Variants in LLGL1 observed in about 807,000 individuals in gnomAD.
LLGL1 encodes the protein LLGL scribble cell polarity complex component 1.
A neutral mutation model predicts 110.6 loss-of-function variants in LLGL1; 58 were observed. That is an observed-to-expected ratio of 0.52 (90% confidence interval 0.42 to 0.65). The LOEUF (loss-of-function observed/expected upper bound fraction) is 0.65. Among genes scored for constraint, LLGL1 ranks in the 30% least tolerant of loss-of-function variants. LLGL1 has a pLI of 0.00. For synonymous variants in LLGL1, 674 were observed against 607.2 expected (o/e 1.11, Z -1.62); for missense variants, 1,229 against 1,462.1 (o/e 0.84, Z 2.60).
chr17:18,229,851 C>T (rs962121321), intron 1 of LLGL1, 90 bp from the exon 2 acceptor site: 4 of 832,020 alleles, frequency 4.8e-6, no homozygotes, highest in African/African-American at 3.4e-5. Context: ...AGCTGCAGAC[C>T]CTGGAGGCTG....
At chr17:18,243,345 G>A (rs2047895499) in intron 22 of LLGL1, among the ~76,000 whole-genome samples, 1 of 152,148 alleles carries the variant, frequency 6.6e-6, no homozygotes, top group Non-Finnish European at 1.5e-5. Context: ...CTGACCTCAT[G>A]ATCCACCCGC....
intron 11 of LLGL1, chr17:18,235,775 G>C: frequency 1.9e-6 from 1 of 533,306 alleles, no homozygotes; most frequent in Middle Eastern, 5.0e-4. Context: ...GGCTCCACCC[G>C]CCCAGCCTGC....
intron 16 of LLGL1, 142 bp downstream of exon 16, chr17:18,238,751 G>T (rs2047754566): frequency 2.4e-6 from 2 of 830,758 alleles, no homozygotes; most frequent in African/African-American, 1.7e-5. Flanking sequence ...TCAAGCCTGT[G>T]AGTGATCCCA....
At position 18,235,819 on chromosome 17, in the gene LLGL1, C is replaced by T. The variant is rs78420054; in HGVS notation, c.1352+282C>T. The T allele has an allele frequency of 4.6e-3, 2,193 of 475,684 alleles. 15 individuals are homozygous for T. Among genetic ancestry groups the T allele is most frequent in the African/African-American group, 0.02 (1,012 of 51,146 alleles). 29.5% of individuals were successfully genotyped at this position (475,684 alleles called of 1,614,324 possible). On this transcript the variant is annotated intron_variant, in intron 11 of 22. Coordinates refer to ENST00000316843, the MANE Select transcript of LLGL1 (RefSeq NM_004140.4). ...GGACTGGAAAATCTGGGCTGGCCCA[C>T]GCTGAGCTGCCCAGGGAAGGTGCCA...
In LLGL1 at chr17:18,244,487, C is replaced by A. The variant is rs1375795527; in HGVS notation, c.*581C>A. The A allele has an allele frequency of 6.6e-6, 1 of 152,020 alleles. No individual in the cohort carries two copies. Among genetic ancestry groups the A allele is most frequent in the Non-Finnish European group, 1.5e-5 (1 of 68,022 alleles). 9.4% of individuals were successfully genotyped at this position (152,020 alleles called of 1,614,324 possible). A position where few individuals can be genotyped will look rare whatever the true frequency, so the allele number is the denominator to read the frequency against. ...CTCGATCTCCTGACCTCGTGATCCA[C>A]CCACCTCAGCCTCCCAAAGTGCTGG... On this transcript the variant is annotated 3_prime_UTR_variant, in exon 23 of 23. Transcript: ENST00000316843.
At chr17:18,243,096 T>TTTTG (rs2047885872) in intron 22 of LLGL1, among the ~76,000 whole-genome samples, 1 of 90,246 alleles carries the variant, frequency 1.1e-5, no homozygotes, top group African/African-American at 3.6e-5. Flanking sequence ...ACCAGATTTG[T>TTTTG]TTTGTTTTGT....
At chr17:18,231,840 A>T (rs1270476949) in intron 2 of LLGL1, among the ~76,000 whole-genome samples, 4 of 152,206 alleles carry the variant, frequency 2.6e-5, no homozygotes, top group Admixed American at 6.5e-5. Context: ...TTGCGTTTTT[A>T]GTAGAGACGA....
At chr17:18,238,382 A>G in intron 15 of LLGL1, 74 bp from the exon 16 acceptor site, 1 of 1,570,224 alleles carries the variant, frequency 6.4e-7, no homozygotes, top group Non-Finnish European at 8.6e-7. Context: ...ATGGTAACAG[A>G]ACGTAGGGCG....
chr17:18,230,116 C>T, intron 2 of LLGL1, 78 bp downstream of exon 2: 1 of 1,136,578 alleles, frequency 8.8e-7, no homozygotes, highest in South Asian at 1.3e-5. Context: ...GGGTCCCAGT[C>T]TTGGCAGTGT....
chr17:18,226,818 G>C (rs4925151), intron 1 of LLGL1, among the ~76,000 whole-genome samples: 118,942 of 152,210 alleles, frequency 0.78, 46,685 homozygotes, highest in African/African-American at 0.85. Flanking sequence ...CTGGCTCACT[G>C]CTCTGGGGAC....
chr17:18,230,153 T>C (rs2142558088), intron 2 of LLGL1, 115 bp downstream of exon 2: 1 of 740,080 alleles, frequency 1.4e-6, no homozygotes, highest in Non-Finnish European at 2.2e-6. Flanking sequence ...ACAGAGGTGC[T>C]CTGATGGGCA....
At chr17:18,226,948 C>G (rs530204927) in intron 1 of LLGL1, among the ~76,000 whole-genome samples, 2 of 152,372 alleles carry the variant, frequency 1.3e-5, no homozygotes, top group East Asian at 3.9e-4. Flanking sequence ...AGAGGGGTGA[C>G]GGCTTGCCCG....
At chr17:18,226,422 G>C (rs1257001004) in intron 1 of LLGL1, among the ~76,000 whole-genome samples, 2 of 152,170 alleles carry the variant, frequency 1.3e-5, no homozygotes, top group Non-Finnish European at 1.5e-5. Flanking sequence ...GTTAGTGGGG[G>C]CGAGGCAGCT....
chr17:18,227,784 G>A (rs1357598821), intron 1 of LLGL1, among the ~76,000 whole-genome samples: 2 of 152,232 alleles, frequency 1.3e-5, no homozygotes, highest in African/African-American at 4.8e-5. Flanking sequence ...TAGCCTTGGG[G>A]TGGCGGAAAG....
rs2047751276 is a variant in LLGL1 at position 18,238,627 on chromosome 17, GCAGGGA to G, written c.2206+24_2206+29del. 2 of 1,603,516 alleles carry G rather than the reference GCAGGGA, an allele frequency of 1.2e-6. No individual in the cohort carries two copies. ...TCGAGATGGTAAGGCAGGGGCAGGG[GCAGGGA>G]CAGGGCAAGGGTTGGGGGGGCTGGC... On this transcript the variant is annotated intron_variant, in intron 16 of 22. Coordinates refer to ENST00000316843, the MANE Select transcript of LLGL1 (RefSeq NM_004140.4).
intron 2 of LLGL1, 69 bp downstream of exon 2, chr17:18,230,107 G>A (rs1419029125): frequency 1.6e-6 from 2 of 1,252,552 alleles, no homozygotes; most frequent in African/African-American, 1.5e-5. Flanking sequence ...TGTGCTCTGG[G>A]GTCCCAGTCT....
intron 2 of LLGL1, 142 bp from the exon 3 acceptor site, chr17:18,232,353 C>T (rs996840243): frequency 1.3e-4 from 91 of 679,454 alleles, no homozygotes; most frequent in Non-Finnish European, 2.0e-4. Flanking sequence ...AGGGGGCCTC[C>T]GTTCTTCAGG....
intron 16 of LLGL1, among the ~76,000 whole-genome samples, chr17:18,239,254 C>G (rs972513706): frequency 2.0e-5 from 3 of 152,052 alleles, no homozygotes; most frequent in Non-Finnish European, 4.4e-5. Context: ...AGGTGAGGGT[C>G]GAGGTGTGTG....
chr17:18,232,152 C>T (rs1032150310), intron 2 of LLGL1, among the ~76,000 whole-genome samples: 18 of 152,264 alleles, frequency 1.2e-4, no homozygotes, highest in African/African-American at 4.3e-4. Flanking sequence ...CCCATCCTCT[C>T]ACCAGGCTGA....
Sources: allele counts gnomAD v4.1 joint callset (sites outside exome capture counted in the v4.1 genomes callset), GRCh38; gene constraint gnomAD v4.1.1; transcripts MANE v1.5; gene names NCBI Gene and HGNC (gene_info 2026-07-23, HGNC 2026-07-21).